The following ENTPD4 variants were observed in gnomAD, a reference collection of about 807,000 sequenced individuals.
The protein encoded by ENTPD4 is Golgi UDPase.
In ENTPD4, 60 loss-of-function variants were observed where a neutral mutation model predicts 79.1. That is an observed-to-expected ratio of 0.76 (90% CI 0.62 to 0.94). ENTPD4 has a LOEUF of 0.94. Ranked by LOEUF, ENTPD4 falls within the 40% of genes least tolerant of loss-of-function variation. The pLI, the probability that ENTPD4 is intolerant of heterozygous loss-of-function variation, is 0.00. For synonymous variants in ENTPD4, 276 were observed against 292.0 expected (o/e 0.95, Z 0.56); for missense variants, 772 against 775.1 (o/e 1.00, Z 0.05).
intron 8 of ENTPD4, among the ~76,000 whole-genome samples, chr8:23,440,461 G>A (rs1289624440): frequency 6.6e-6 from 1 of 152,066 alleles, no homozygotes; most frequent in Non-Finnish European, 1.5e-5. Flanking sequence ...GGCTTTTTTA[G>A]GTGATGAATC....
At chr8:23,434,953 C>G (rs1800529204) in intron 11 of ENTPD4, among the ~76,000 whole-genome samples, 1 of 152,182 alleles carries the variant, frequency 6.6e-6, no homozygotes, top group South Asian at 2.1e-4. Flanking sequence ...TAGTAAGATA[C>G]AGTGTCTGCA....
Position 23,434,462 on chromosome 8 carries a change from A to C in ENTPD4, c.1477T>G (p.Ser493Ala). ...LHRLKYQCFK[S>A]AWMFEVFHRG... ...TGAAACACCTCAAACATCCAGGCCG[A>C]TTTGAAGCACTGATACCTACAAACG... The change falls in exon 12 of 13, where the codon TCG (serine) becomes GCG (alanine). Residue 493 changes from serine (S) to alanine (A), a missense_variant. Physicochemically the swap from Ser to Ala is moderately conservative, Grantham distance 99. Coordinates refer to ENST00000358689, the MANE Select transcript of ENTPD4 (RefSeq NM_004901.5). 6.2e-7 allele frequency: 1 copy of C among 1,614,126 alleles called. No individual in the cohort carries two copies. The highest frequency in any genetic ancestry group is 8.5e-7 in the Non-Finnish European group (1 of 1,180,020).
chr8:23,437,518 G>A (rs1362301458), intron 9 of ENTPD4, among the ~76,000 whole-genome samples: 1 of 152,152 alleles, frequency 6.6e-6, no homozygotes, highest in African/African-American at 2.4e-5. Context: ...ATTAGCCGAC[G>A]ATCCTGGCAA....
rs1800453841 is a variant in ENTPD4, at chr8:23,431,552, T to C, written c.*1374A>G. ...TCAAAATGTGAATTTATTTCCTGTA[T>C]TGGATGCAGACTCTTCCCTTCTGGA... On this transcript the variant is annotated 3_prime_UTR_variant, in exon 13 of 13. Coordinates refer to ENST00000358689, the MANE Select transcript of ENTPD4 (RefSeq NM_004901.5). The C allele has an allele frequency of 2.0e-6, 2 of 985,326 alleles. No individual in the cohort carries two copies. Among genetic ancestry groups the C allele is most frequent in the Admixed American group, 6.1e-5 (1 of 16,276 alleles). 61.0% of individuals were successfully genotyped at this position (985,326 alleles called of 1,614,324 possible). A position where few individuals can be genotyped will look rare whatever the true frequency, so the allele number is the denominator to read the frequency against.
intron 4 of ENTPD4, among the ~76,000 whole-genome samples, 160 bp downstream of exon 4, chr8:23,447,520 T>C (rs989629815): frequency 2.0e-5 from 3 of 152,066 alleles, no homozygotes; most frequent in Non-Finnish European, 2.9e-5. Flanking sequence ...CTTTGCAAAA[T>C]GGACAGAAAA....
Position 23,436,915 on chromosome 8 carries a change from CG to C in ENTPD4, c.1374+18del. The stretch of plus-strand genomic sequence containing the variant: ...GTCTCTCAAAAGCATGCAGAGCAGA[CG>C]GCGTCTCTCAAGGGTACCTTTGCAG... On this transcript the variant is annotated intron_variant, in intron 10 of 12. Transcript: ENST00000358689. The C allele has an allele frequency of 1.3e-6, 2 of 1,551,714 alleles. No individual in the cohort carries two copies. Among genetic ancestry groups the C allele is most frequent in the Non-Finnish European group, 1.7e-6 (2 of 1,146,764 alleles).
In ENTPD4 at chr8:23,432,027, A is replaced by G; in HGVS notation, c.*899T>C. Reference sequence around the variant, plus strand: ...CTTGGGATTTTTCACACACTCGCACAAAGCTGTAGTCGATAGTTCACTATC... The same window carrying G: ...CTTGGGATTTTTCACACACTCGCACGAAGCTGTAGTCGATAGTTCACTATC... On this transcript the variant is annotated 3_prime_UTR_variant, in exon 13 of 13. Transcript: ENST00000358689. 1.0e-6 allele frequency: 1 copy of G among 985,428 alleles called. No individual in the cohort carries two copies. The allele number at this position is 985,428 out of a possible 1,614,324, so 61.0% of individuals were successfully genotyped here.
intron 2 of ENTPD4, 88 bp downstream of exon 2, chr8:23,449,805 C>T: frequency 8.5e-7 from 1 of 1,176,740 alleles, no homozygotes; most frequent in African/African-American, 1.5e-5. Context: ...TCACATTTTT[C>T]ACTTGCGATT....
At chr8:23,439,646 C>G (rs899595411) in intron 9 of ENTPD4, 103 bp downstream of exon 9, 4 of 1,056,418 alleles carry the variant, frequency 3.8e-6, no homozygotes, top group African/African-American at 1.6e-5. Flanking sequence ...AACAGTGCAA[C>G]ACACTTTTGC....
In ENTPD4 at chr8:23,440,055, C is replaced by T. The variant is rs567966331; in HGVS notation, c.883-140G>A. On this transcript the variant is annotated intron_variant, in intron 8 of 12. Coordinates refer to ENST00000358689, the MANE Select transcript of ENTPD4 (RefSeq NM_004901.5). ...TTCCCAAGGACCCTTCTAAGCATCA[C>T]TCATAATTCAATATGACAATTCTGA... 1.0e-3 allele frequency: 641 copies of T among 620,834 alleles called. 1 individual carries two copies. The highest frequency in any genetic ancestry group is 1.6e-3 in the Non-Finnish European group (584 of 363,312). 38.5% of individuals were successfully genotyped at this position (620,834 alleles called of 1,614,324 possible).
At chr8:23,439,306 G>A (rs1002522569) in intron 9 of ENTPD4, among the ~76,000 whole-genome samples, 1 of 152,072 alleles carries the variant, frequency 6.6e-6, no homozygotes, top group Non-Finnish European at 1.5e-5. Context: ...CTAACTAGCT[G>A]CACTGGCTGC....
At chr8:23,453,547 C>T (rs1386908834) in intron 1 of ENTPD4, among the ~76,000 whole-genome samples, 1 of 152,148 alleles carries the variant, frequency 6.6e-6, no homozygotes, top group Non-Finnish European at 1.5e-5. Context: ...AAATAAATCT[C>T]ATTGAAATGG....
chr8:23,441,723 T>C lies in ENTPD4; in HGVS notation c.728A>G (p.Asp243Gly), dbSNP rs1800674864. Residue 243 changes from aspartate (D) to glycine (G), a missense_variant and splice_region_variant, in exon 8 of 13, where the codon GAT becomes GGT. Transcript: ENST00000358689. ...GTTAACTTCCACAACGGCCTCATCATCTAGAAAGAACAGAAAGTGTTCACT... is the reference window on the plus strand; with the variant it reads ...GTTAACTTCCACAACGGCCTCATCACCTAGAAAGAACAGAAAGTGTTCACT... ...VLGRFEHIED[D>G]DEAVVEVNIP... 3 of 1,613,870 alleles carry C rather than the reference T, an allele frequency of 1.9e-6. No individual in the cohort carries two copies. The highest frequency in any genetic ancestry group is 2.2e-5 in the East Asian group (1 of 44,876).
chr8:23,440,939 G>A (rs777892299), intron 8 of ENTPD4, among the ~76,000 whole-genome samples: 4 of 152,194 alleles, frequency 2.6e-5, no homozygotes, highest in Non-Finnish European at 4.4e-5. Flanking sequence ...CTATGCTGCC[G>A]CCCACCTTTG....
chr8:23,448,499 C>G (rs976835758), intron 3 of ENTPD4, among the ~76,000 whole-genome samples: 1 of 152,172 alleles, frequency 6.6e-6, no homozygotes, highest in Non-Finnish European at 1.5e-5. Context: ...CCCCTCACCC[C>G]CTTTCCATCA....
Position 23,430,530 on chromosome 8 carries a change from G to A in ENTPD4, c.*2396C>T, listed in dbSNP as rs1250581138. Reference sequence around the variant, plus strand: ...GCAAACTTTTTCTGTAAATATTTTAGTAAATATTCTAGGCTTTACAGGCCA... The same window carrying A: ...GCAAACTTTTTCTGTAAATATTTTAATAAATATTCTAGGCTTTACAGGCCA... On this transcript the variant is annotated 3_prime_UTR_variant, in exon 13 of 13. Transcript: ENST00000358689. 3.1e-6 allele frequency: 3 copies of A among 982,884 alleles called. No individual in the cohort carries two copies. Among genetic ancestry groups the A allele is most frequent in the African/African-American group, 3.5e-5 (2 of 57,192 alleles). The allele number at this position is 982,884 out of a possible 1,614,324, so 60.9% of individuals were successfully genotyped here.
At chr8:23,434,575 C>G (rs1302133773) in intron 11 of ENTPD4, 97 bp from the exon 12 acceptor site, 10 of 1,548,310 alleles carry the variant, frequency 6.5e-6, no homozygotes, top group Non-Finnish European at 8.7e-6. Context: ...TGTGGGCAGC[C>G]TTGGGGCAGG....
chr8:23,447,914 T>A (rs1307904916), intron 3 of ENTPD4, 29 bp from the exon 4 acceptor site: 2 of 1,579,578 alleles, frequency 1.3e-6, no homozygotes, highest in Non-Finnish European at 1.7e-6. Flanking sequence ...TATGCTTTGA[T>A]TTAGACAAAG....
intron 1 of ENTPD4, among the ~76,000 whole-genome samples, chr8:23,456,394 T>C (rs2117314567): frequency 6.6e-6 from 1 of 152,380 alleles, no homozygotes; most frequent in African/African-American, 2.4e-5. Flanking sequence ...CACATCCTGA[T>C]GTTTTCTTAC....
Sources: gnomAD v4.1 joint callset for allele counts (sites outside exome capture counted in the v4.1 genomes callset) on GRCh38, gnomAD v4.1.1 for gene constraint, MANE v1.5 for transcripts, NCBI Gene and HGNC (gene_info 2026-07-23, HGNC 2026-07-21) for gene names.